The following RCOR2 variants were observed in gnomAD, a reference collection of about 807,000 sequenced individuals.
RCOR2 encodes REST corepressor 2.
RCOR2 carries 19 observed loss-of-function variants against 58.9 expected under a neutral mutation model. The ratio of observed to expected loss-of-function variants is 0.32; its 90% confidence interval spans 0.23 to 0.47. RCOR2 has a LOEUF of 0.47. Among genes scored for constraint, RCOR2 ranks in the 20% least tolerant of loss-of-function variants. The probability of loss-of-function intolerance (pLI) is 1.00; values close to 1 mark genes in which losing one functional copy is unlikely to be tolerated. For synonymous variants in RCOR2, 286 were observed against 278.7 expected, an observed-to-expected ratio of 1.03 and a Z score of -0.26; for missense variants, 590 against 707.9, an observed-to-expected ratio of 0.83 and a Z score of 1.89.
chr11:63,921,254 C>T (rs1941914473), upstream of RCOR2, among the ~76,000 whole-genome samples: 1 of 152,200 alleles, frequency 6.6e-6, no homozygotes, highest in Non-Finnish European at 1.5e-5. Flanking sequence ...GGGGGGCCTC[C>T]CCTTGCCCTC....
At chr11:63,924,855 A>ACTTTT in the RCOR2 span, among the ~76,000 whole-genome samples, 1 of 143,726 alleles carries the variant, frequency 7.0e-6, no homozygotes, top group African/African-American at 2.6e-5. Flanking sequence ...AGCCAAGGTG[A>ACTTTT]TTTTTTTTTT....
Position 63,912,031 on chromosome 11 carries a change from G to T in RCOR2, c.1406C>A (p.Pro469Gln). The T allele has an allele frequency of 6.8e-7, 1 of 1,474,794 alleles. No individual in the cohort carries two copies. The highest frequency in any genetic ancestry group is 8.9e-7 in the Non-Finnish European group (1 of 1,118,672). 91.4% of individuals were successfully genotyped at this position (1,474,794 alleles called of 1,614,324 possible). A position where few individuals can be genotyped will look rare whatever the true frequency, so the allele number is the denominator to read the frequency against. Residue 469 changes from proline (P) to glutamine (Q), a missense_variant, in exon 12 of 12, where the codon CCA (proline) becomes CAA (glutamine). By Grantham distance (76) the Pro-to-Gln change is moderately conservative. Transcript: ENST00000301459. ...CTGGAGGAAGCGGCCCTGCTGCAGTGGGGGTGGCTGTCGGAGCAGAGTGGG... is the reference window on the plus strand; with the variant it reads ...CTGGAGGAAGCGGCCCTGCTGCAGTTGGGGTGGCTGTCGGAGCAGAGTGGG... Reference protein sequence around the residue: ...TAPTLLRQPPPLQQGRFLQPR... With the variant: ...TAPTLLRQPPQLQQGRFLQPR...
upstream of RCOR2, among the ~76,000 whole-genome samples, chr11:63,917,573 G>GC (rs938489992): frequency 3.3e-5 from 5 of 152,002 alleles, no homozygotes; most frequent in African/African-American, 4.8e-5. Context: ...GGAACTCCCC[G>GC]CCCCCCCTTC....
chr11:63,922,676 G>C, the RCOR2 span, among the ~76,000 whole-genome samples: 1 of 152,270 alleles, frequency 6.6e-6, no homozygotes, highest in South Asian at 2.1e-4. Context: ...TTTAAATATA[G>C]CTTCGATTAT....
upstream of RCOR2, among the ~76,000 whole-genome samples, chr11:63,917,845 A>T (rs1203350977): frequency 6.6e-6 from 1 of 152,022 alleles, no homozygotes; most frequent in African/African-American, 2.4e-5. Flanking sequence ...TCTCCTCCCC[A>T]CTGGGTTCAC....
Position 63,912,080 on chromosome 11 carries a change from G to T in RCOR2, c.1357C>A (p.Leu453Met). 6.6e-7 allele frequency: 1 copy of T among 1,504,036 alleles called. No individual in the cohort carries two copies. Among genetic ancestry groups the T allele is most frequent in the Non-Finnish European group, 8.8e-7 (1 of 1,134,214 alleles). The allele number at this position is 1,504,036 out of a possible 1,614,324, so 93.2% of individuals were successfully genotyped here. A position where few individuals can be genotyped will look rare whatever the true frequency, so the allele number is the denominator to read the frequency against. The part of the protein sequence containing the change: ...PTSLSQPPPL[L>M]RPPLPTAPTL... ...GGAGCCGTGGGCAAAGGTGGCCTCA[G>T]CAGCGGGGGTGGCTGGGACAGCGAG... The change falls in exon 12 of 12, where the codon CTG becomes ATG. Residue 453 changes from leucine to methionine, a missense_variant. Coordinates refer to ENST00000301459, the MANE Select transcript of RCOR2 (RefSeq NM_173587.4).
intron 1 of RCOR2, 83 bp downstream of exon 1, chr11:63,916,247 C>T: frequency 1.6e-6 from 2 of 1,233,338 alleles, no homozygotes; most frequent in South Asian, 1.4e-5. Flanking sequence ...GTAACAGGCT[C>T]GTGGTCTGCA....
chr11:63,919,734 G>A (rs1941903967), upstream of RCOR2, among the ~76,000 whole-genome samples: 1 of 152,186 alleles, frequency 6.6e-6, no homozygotes, highest in Non-Finnish European at 1.5e-5. Context: ...CGAGCTTGGC[G>A]CGAGCCGGAG....
upstream of RCOR2, among the ~76,000 whole-genome samples, chr11:63,920,968 C>T (rs1941911479): frequency 6.6e-6 from 1 of 152,204 alleles, no homozygotes; most frequent in Admixed American, 6.5e-5. Context: ...TTGGCACCAC[C>T]CCGGCACGGT....
chr11:63,916,226 G>A, intron 1 of RCOR2, 104 bp downstream of exon 1: 1 of 1,041,612 alleles, frequency 9.6e-7, no homozygotes, highest in South Asian at 1.5e-5. Flanking sequence ...GGAGAGGCAG[G>A]AGCCATCAGT....
In RCOR2 at chr11:63,916,789, C is replaced by G; in HGVS notation, c.-333G>C. 1.2e-5 allele frequency: 3 copies of G among 255,540 alleles called. No homozygotes were observed. Among genetic ancestry groups the G allele is most frequent in the Non-Finnish European group, 2.3e-5 (3 of 133,060 alleles). 15.8% of individuals were successfully genotyped at this position (255,540 alleles called of 1,614,324 possible). ...CCCTGAAGTCGGGGCCCCCTGTCCT[C>G]GGGGCGCCCTGGAACCCCACCGCCC... On this transcript the variant is annotated 5_prime_UTR_variant, in exon 1 of 12. Transcript: ENST00000301459.
chr11:63,922,870 C>T, the RCOR2 span, among the ~76,000 whole-genome samples: 1 of 152,104 alleles, frequency 6.6e-6, no homozygotes, highest in Non-Finnish European at 1.5e-5. Flanking sequence ...CCTGGCTCAC[C>T]CATCTGCATG....
Position 63,912,076 on chromosome 11 carries a change from C to T in RCOR2, c.1361G>A (p.Arg454Lys). 1 of 1,495,736 alleles carries T rather than the reference C, an allele frequency of 6.7e-7. No homozygotes were observed. Among genetic ancestry groups the T allele is most frequent in the South Asian group, 1.3e-5 (1 of 78,622 alleles). The allele number at this position is 1,495,736 out of a possible 1,614,324, so 92.7% of individuals were successfully genotyped here. A position where few individuals can be genotyped will look rare whatever the true frequency, so the allele number is the denominator to read the frequency against. ...TSLSQPPPLLRPPLPTAPTLL... is the reference protein window; with the variant it reads ...TSLSQPPPLLKPPLPTAPTLL... Reference sequence around the variant, plus strand: ...AGTGGGAGCCGTGGGCAAAGGTGGCCTCAGCAGCGGGGGTGGCTGGGACAG... The same window carrying T: ...AGTGGGAGCCGTGGGCAAAGGTGGCTTCAGCAGCGGGGGTGGCTGGGACAG... The change falls in exon 12 of 12, where the codon AGG (arginine) becomes AAG (lysine). Residue 454 changes from arginine (R) to lysine (K), a missense_variant. Physicochemically the swap from Arg to Lys is conservative, Grantham distance 26. Transcript: ENST00000301459.
At chr11:63,919,562 A>AG (rs1941902545), upstream of RCOR2, among the ~76,000 whole-genome samples, 1 of 152,074 alleles carries the variant, frequency 6.6e-6, no homozygotes, top group Admixed American at 6.5e-5. Flanking sequence ...TGGGGCACAG[A>AG]GGTGCCACGT....
chr11:63,922,896 T>G, the RCOR2 span, among the ~76,000 whole-genome samples: 2 of 152,026 alleles, frequency 1.3e-5, no homozygotes, highest in African/African-American at 2.4e-5. Context: ...TGCCCAGCCC[T>G]TCCCTCAGGG....
In RCOR2 at chr11:63,911,738, C is replaced by A. The variant is rs573529284; in HGVS notation, c.*127G>T. ...ACCCAAAGGGCGGGGCTGGGCTGTCCGAAACTCTGGTCTTACAAAGACCCC... is the reference window on the plus strand; with the variant it reads ...ACCCAAAGGGCGGGGCTGGGCTGTCAGAAACTCTGGTCTTACAAAGACCCC... On this transcript the variant is annotated 3_prime_UTR_variant, in exon 12 of 12. Transcript: ENST00000301459. 6.6e-6 allele frequency: 9 copies of A among 1,367,916 alleles called. No individual in the cohort carries two copies. Among genetic ancestry groups the A allele is most frequent in the East Asian group, 3.0e-5 (1 of 33,640 alleles). The allele number at this position is 1,367,916 out of a possible 1,614,324, so 84.7% of individuals were successfully genotyped here.
chr11:63,925,701 C>T, the RCOR2 span, among the ~76,000 whole-genome samples: 1 of 151,486 alleles, frequency 6.6e-6, no homozygotes, highest in African/African-American at 2.4e-5. Context: ...GCCTGTGGTC[C>T]CAGCTACTAG....
rs758912876 is a variant in RCOR2, at chr11:63,912,996, G to A, written c.892-49C>T. 1.3e-5 allele frequency: 19 copies of A among 1,515,552 alleles called. No individual in the cohort carries two copies. In the South Asian group the frequency reaches 1.6e-4, roughly 13 times the overall value. The allele number at this position is 1,515,552 out of a possible 1,614,324, so 93.9% of individuals were successfully genotyped here. ...AATATCAGACTCCCATCTCAGGCAG[G>A]CCACTATGCCCCTCACAGGACCCTA... On this transcript the variant is annotated intron_variant, in intron 8 of 11. Transcript: ENST00000301459.
chr11:63,913,421 C>A (rs945043190), intron 8 of RCOR2, among the ~76,000 whole-genome samples: 2 of 151,256 alleles, frequency 1.3e-5, no homozygotes, highest in African/African-American at 4.9e-5. Context: ...AACTCCCGAC[C>A]TCAGGTGATC....
Sources: allele counts gnomAD v4.1 joint callset (sites outside exome capture counted in the v4.1 genomes callset), GRCh38; gene constraint gnomAD v4.1.1; transcripts MANE v1.5; gene names NCBI Gene and HGNC (gene_info 2026-07-23, HGNC 2026-07-21).